Variants in PCDHGA6 observed in about 807,000 individuals in gnomAD.
PCDHGA6 encodes protocadherin gamma subfamily A, 6, also known as protocadherin gamma-A6.
A neutral mutation model predicts 60.6 loss-of-function variants in PCDHGA6; 41 were observed. The observed-to-expected ratio is 0.68, with a 90% CI of 0.53 to 0.88. The LOEUF (loss-of-function observed/expected upper bound fraction) is 0.88. Ranked by LOEUF, PCDHGA6 falls within the 40% of genes least tolerant of loss-of-function variation. The probability of loss-of-function intolerance (pLI) is 0.00; values close to 1 mark genes in which losing one functional copy is unlikely to be tolerated. For missense variants in PCDHGA6, 1,312 were observed against 1,203.0 expected (o/e 1.09, Z -1.34); for synonymous variants, 594 against 524.4 (o/e 1.13, Z -1.81).
chr5:141,447,852 G>A (rs375081279), intron 1 of PCDHGA6, among the ~76,000 whole-genome samples: 2 of 152,144 alleles, frequency 1.3e-5, no homozygotes, highest in East Asian at 3.9e-4. Context: ...TTGGGAGGCC[G>A]AGGTGGGTGA....
At chr5:141,505,306 T>C in intron 2 of PCDHGA6, 87 bp from the exon 3 acceptor site, 4 of 1,596,550 alleles carry the variant, frequency 2.5e-6, no homozygotes, top group Non-Finnish European at 3.4e-6. Context: ...GTTAGGGTAC[T>C]AGGTTTGGGA....
intron 1 of PCDHGA6, chr5:141,423,157 G>T: frequency 1.9e-6 from 3 of 1,610,820 alleles, no homozygotes; most frequent in East Asian, 2.2e-5. Context: ...GCAGAGCCTC[G>T]TGGTGGCCGT....
In PCDHGA6 at chr5:141,374,700, C is replaced by T; in HGVS notation, c.617C>T (p.Ala206Val). The T allele has an allele frequency of 6.2e-7, 1 of 1,608,752 alleles. No individual in the cohort carries two copies. The highest frequency in any genetic ancestry group is 8.5e-7 in the Non-Finnish European group (1 of 1,177,324). Residue 206 changes from alanine (A) to valine (V), a missense_variant, in exon 1 of 4, where the codon GCC becomes GTC. Coordinates refer to ENST00000517434, the MANE Select transcript of PCDHGA6 (RefSeq NM_018919.3). ...LEGTLDREGEAVYRLVLTAMD... is the reference protein window; with the variant it reads ...LEGTLDREGEVVYRLVLTAMD... The stretch of plus-strand genomic sequence containing the variant: ...GGCACACTGGACCGGGAAGGAGAAG[C>T]CGTTTACCGCCTGGTCCTTACTGCC...
chr5:141,477,211 C>G lies in PCDHGA6; in HGVS notation c.2425-17596C>G. 2 of 1,614,154 alleles carry G rather than the reference C, an allele frequency of 1.2e-6. No individual in the cohort carries two copies. Among genetic ancestry groups the G allele is most frequent in the Non-Finnish European group, 1.7e-6 (2 of 1,180,036 alleles). On this transcript the variant is annotated intron_variant, in intron 1 of 3. Transcript: ENST00000517434. The surrounding 1 kb of genome is among the most constrained non-coding windows in gnomAD (Gnocchi z 4.9). ...TGTACAGCCCAGTACCCGAGGATGC[C>G]CCTCTGGGGACTGTCATCGCTTTGC...
chr5:141,502,450 C>T (rs184669731), intron 2 of PCDHGA6, among the ~76,000 whole-genome samples: 3 of 152,010 alleles, frequency 2.0e-5, no homozygotes, highest in Admixed American at 1.3e-4. Context: ...AGATTACACA[C>T]CTTGGTAGGA....
intron 1 of PCDHGA6, chr5:141,426,320 G>A (rs2096927622): frequency 1.1e-5 from 2 of 175,034 alleles, no homozygotes; most frequent in South Asian, 1.3e-4. Context: ...AGCAGGACCC[G>A]GCAGTGGCAA....
At chr5:141,478,039 G>A (rs764777183) in intron 1 of PCDHGA6, 29 of 1,613,978 alleles carry the variant, frequency 1.8e-5, no homozygotes, top group Non-Finnish European at 2.5e-5. Flanking sequence ...ATTCACCCAG[G>A]CAGACTCTCA....
At chr5:141,415,395 CGGCTCGCACTTT>C (rs2095864519) in intron 1 of PCDHGA6, 2 of 1,614,092 alleles carry the variant, frequency 1.2e-6, no homozygotes. Flanking sequence ...CAGGTGTGTC[CGGCTCGCACTTT>C]GTGGGCGTGG....
intron 1 of PCDHGA6, chr5:141,395,501 A>T: frequency 2.1e-6 from 1 of 467,130 alleles, no homozygotes; most frequent in African/African-American, 2.0e-5. Context: ...TCATTCACTT[A>T]AGAAGTAGCT....
At chr5:141,475,910 G>A in intron 1 of PCDHGA6, 1 of 588,414 alleles carries the variant, frequency 1.7e-6, no homozygotes, top group South Asian at 2.3e-5. Context: ...GTCGGCCAAT[G>A]AAGACGCTGG....
At chr5:141,428,114 C>CG in intron 1 of PCDHGA6, 2 of 1,607,202 alleles carry the variant, frequency 1.2e-6, no homozygotes, top group Non-Finnish European at 1.7e-6. Flanking sequence ...TGCAGGCCAT[C>CG]GAGCCCGGGC....
At chr5:141,466,763 C>T (rs960940073) in intron 1 of PCDHGA6, among the ~76,000 whole-genome samples, 31 of 152,272 alleles carry the variant, frequency 2.0e-4, no homozygotes, top group Middle Eastern at 6.8e-3. Context: ...TCTTTTCAAA[C>T]TGTTATCTTA....
In PCDHGA6 at chr5:141,489,201, G is replaced by A. The variant is rs757039294; in HGVS notation, c.2425-5606G>A. ...AGCCCTGGGTCTACCTTGGAGACAG[G>A]ACAGCACAGACTTACTCTCCACAAA... On this transcript the variant is annotated intron_variant, in intron 1 of 3. Coordinates refer to ENST00000517434, the MANE Select transcript of PCDHGA6 (RefSeq NM_018919.3). This position sits in a 1 kb window ranked among gnomAD's most constrained non-coding sequence, Gnocchi z 4.5. The A allele has an allele frequency of 7.8e-6, 11 of 1,416,092 alleles. No individual in the cohort carries two copies. In the African/African-American group the frequency reaches 1.3e-4, roughly 17 times the overall value. 87.7% of individuals were successfully genotyped at this position (1,416,092 alleles called of 1,614,324 possible).
intron 1 of PCDHGA6, among the ~76,000 whole-genome samples, chr5:141,439,398 T>C (rs2098110369): frequency 6.6e-6 from 1 of 152,212 alleles, no homozygotes; most frequent in Admixed American, 6.5e-5. Context: ...TTCGACTTCA[T>C]GTGCTAACAT....
At chr5:141,455,506 G>T (rs1307993951) in intron 1 of PCDHGA6, among the ~76,000 whole-genome samples, 1 of 152,152 alleles carries the variant, frequency 6.6e-6, no homozygotes, top group African/African-American at 2.4e-5. Flanking sequence ...ATTTGCATAG[G>T]GCTCAGGGGA....
chr5:141,456,020 C>T (rs2098840631), intron 1 of PCDHGA6, among the ~76,000 whole-genome samples: 1 of 151,834 alleles, frequency 6.6e-6, no homozygotes, highest in South Asian at 2.1e-4. Flanking sequence ...GCCTCAGCCT[C>T]CCGAGTAGCT....
At chr5:141,404,635 A>C (rs2094549114) in intron 1 of PCDHGA6, 1 of 1,614,130 alleles carries the variant, frequency 6.2e-7, no homozygotes, top group Non-Finnish European at 8.5e-7. Context: ...ATGCCCCAGA[A>C]ATCCTGTACC....
chr5:141,476,868 C>T lies in PCDHGA6; in HGVS notation c.2425-17939C>T, dbSNP rs1213404395. On this transcript the variant is annotated intron_variant, in intron 1 of 3. Coordinates refer to ENST00000517434, the MANE Select transcript of PCDHGA6 (RefSeq NM_018919.3). This position sits in a 1 kb window ranked among gnomAD's most constrained non-coding sequence, Gnocchi z 7.6. ...GTCTTCAACCAGTCCTTGTACCGGG[C>T]GCGCGTCCTGGAGGATGCACCCTCC... 3 of 1,613,874 alleles carry T rather than the reference C, an allele frequency of 1.9e-6. No individual in the cohort carries two copies. Among genetic ancestry groups the T allele is most frequent in the Admixed American group, 3.3e-5 (2 of 60,026 alleles).
rs1340692426 is a variant in PCDHGA6 at position 141,485,025 on chromosome 5, A to C, written c.2425-9782A>C. ...CAAATCTACCCCGCCACCAGCAAAAACGGCGCGTAACCCTTGCGGCGCCGG... is the reference window on the plus strand; with the variant it reads ...CAAATCTACCCCGCCACCAGCAAAACCGGCGCGTAACCCTTGCGGCGCCGG... On this transcript the variant is annotated intron_variant, in intron 1 of 3. Transcript: ENST00000517434. This position sits in a 1 kb window ranked among gnomAD's most constrained non-coding sequence, Gnocchi z 5.7. 2 of 657,796 alleles carry C rather than the reference A, an allele frequency of 3.0e-6. No homozygotes were observed. The highest frequency in any genetic ancestry group is 5.4e-6 in the Non-Finnish European group (2 of 369,210). The allele number at this position is 657,796 out of a possible 1,614,324, so 40.7% of individuals were successfully genotyped here.
Sources: gnomAD v4.1 joint callset for allele counts (sites outside exome capture counted in the v4.1 genomes callset) on GRCh38, gnomAD v4.1.1 for gene constraint, Gnocchi (gnomAD v3.1) non-coding constraint, MANE v1.5 for transcripts, NCBI Gene and HGNC (gene_info 2026-07-23, HGNC 2026-07-21) for gene names.